The following ENTREP2 variants were observed in gnomAD, a reference collection of about 807,000 sequenced individuals.
ENTREP2 encodes the protein protein ENTREP2.
chr15:29,360,014 T>C, the ENTREP2 span, among the ~76,000 whole-genome samples: 1 of 152,216 alleles, frequency 6.6e-6, no homozygotes, highest in Non-Finnish European at 1.5e-5. Flanking sequence ...ACTAATAGCC[T>C]ATAAGGTAGA....
At chr15:29,180,213 A>G in the ENTREP2 span, among the ~76,000 whole-genome samples, 1 of 152,182 alleles carries the variant, frequency 6.6e-6, no homozygotes, top group East Asian at 1.9e-4. Context: ...CATGTACCAT[A>G]TATACATTTA....
the ENTREP2 span, among the ~76,000 whole-genome samples, chr15:29,280,084 C>T: frequency 6.6e-6 from 1 of 152,202 alleles, no homozygotes; most frequent in African/African-American, 2.4e-5. Context: ...AAAAAACCCT[C>T]AGTTATGTAC....
the ENTREP2 span, among the ~76,000 whole-genome samples, chr15:29,347,800 A>G: frequency 6.6e-6 from 1 of 152,206 alleles, no homozygotes. Context: ...ACACAGCAGC[A>G]ACTGCAACAC....
At chr15:29,347,248 C>T in the ENTREP2 span, among the ~76,000 whole-genome samples, 122 of 152,264 alleles carry the variant, frequency 8.0e-4, no homozygotes, top group Admixed American at 1.6e-3. Context: ...CATTATAGCT[C>T]ACTGTCTTGA....
the ENTREP2 span, among the ~76,000 whole-genome samples, chr15:29,533,434 C>T: frequency 2.0e-5 from 3 of 152,160 alleles, no homozygotes; most frequent in Non-Finnish European, 4.4e-5. Context: ...TGAAAAGTGA[C>T]CGGGACACAG....
the ENTREP2 span, among the ~76,000 whole-genome samples, chr15:29,357,793 C>T: frequency 2.6e-5 from 4 of 150,994 alleles, no homozygotes; most frequent in Non-Finnish European, 4.4e-5. Flanking sequence ...GAGCCGAGAT[C>T]GTGCCACTGC....
the ENTREP2 span, among the ~76,000 whole-genome samples, chr15:29,206,038 C>A: frequency 6.6e-6 from 1 of 152,184 alleles, no homozygotes; most frequent in Non-Finnish European, 1.5e-5. Context: ...CCCACAACAC[C>A]AGCCCCAATG....
chr15:29,444,756 C>T, the ENTREP2 span, among the ~76,000 whole-genome samples: 1 of 152,178 alleles, frequency 6.6e-6, no homozygotes, highest in Non-Finnish European at 1.5e-5. Context: ...TGAGCCATCA[C>T]ACCTGGCCGG....
the ENTREP2 span, among the ~76,000 whole-genome samples, chr15:29,535,155 C>G: frequency 6.6e-6 from 1 of 152,120 alleles, no homozygotes; most frequent in Non-Finnish European, 1.5e-5. Flanking sequence ...GAGGCTGAGG[C>G]AGCACAATCG....
chr15:29,260,540 C>G, the ENTREP2 span, among the ~76,000 whole-genome samples: 1 of 152,182 alleles, frequency 6.6e-6, no homozygotes. Context: ...AGCACATCAT[C>G]ATCTCAACAC....
the ENTREP2 span, among the ~76,000 whole-genome samples, chr15:29,567,837 G>A: frequency 2.0e-5 from 3 of 152,198 alleles, no homozygotes; most frequent in Non-Finnish European, 4.4e-5. Flanking sequence ...GCAAACCACA[G>A]AGAGGGCCTA....
chr15:29,460,035 T>C, the ENTREP2 span, among the ~76,000 whole-genome samples: 75 of 152,218 alleles, frequency 4.9e-4, no homozygotes, highest in African/African-American at 1.7e-3. Flanking sequence ...TTGCTTGAGA[T>C]GAGAAGTTCA....
At chr15:29,573,658 C>CCT in the ENTREP2 span, among the ~76,000 whole-genome samples, 191 of 146,752 alleles carry the variant, frequency 1.3e-3, no homozygotes, top group African/African-American at 4.1e-3. Flanking sequence ...TCTCTCTCTC[C>CCT]CTCTCTCTCT....
the ENTREP2 span, among the ~76,000 whole-genome samples, chr15:29,459,540 C>A: frequency 6.6e-6 from 1 of 152,208 alleles, no homozygotes; most frequent in Non-Finnish European, 1.5e-5. Context: ...AGGAGTTGTA[C>A]ATGATGTTAT....
At chr15:29,488,317 T>C in the ENTREP2 span, among the ~76,000 whole-genome samples, 2 of 152,046 alleles carry the variant, frequency 1.3e-5, no homozygotes, top group South Asian at 2.1e-4. Context: ...AGTAACAGAC[T>C]TGACTAGGCA....
the ENTREP2 span, among the ~76,000 whole-genome samples, chr15:29,232,664 A>ATTGTTTGTTTGTTTGT: frequency 1.3e-5 from 2 of 150,064 alleles, no homozygotes; most frequent in African/African-American, 2.5e-5. Context: ...GCCTAATTAA[A>ATTGTTTGTTTGTTTGT]TTGTTTGTTT....
chr15:29,340,565 A>T, the ENTREP2 span, among the ~76,000 whole-genome samples: 4 of 152,172 alleles, frequency 2.6e-5, no homozygotes, highest in Non-Finnish European at 4.4e-5. Flanking sequence ...TACACCAAAA[A>T]CTACCTGGAA....
At chr15:29,154,765 C>T in the ENTREP2 span, among the ~76,000 whole-genome samples, 1 of 152,212 alleles carries the variant, frequency 6.6e-6, no homozygotes, top group South Asian at 2.1e-4. Flanking sequence ...CAATCTGTAA[C>T]ATCCTCTGGA....
chr15:29,508,595 T>G, the ENTREP2 span, among the ~76,000 whole-genome samples: 2 of 151,962 alleles, frequency 1.3e-5, no homozygotes, highest in Non-Finnish European at 2.9e-5. Context: ...TGGTTCAATA[T>G]ACACAAATCA....
Sources: allele counts gnomAD v4.1 joint callset (sites outside exome capture counted in the v4.1 genomes callset), GRCh38; gene constraint gnomAD v4.1.1; transcripts MANE v1.5; gene names NCBI Gene and HGNC (gene_info 2026-07-23, HGNC 2026-07-21).